The following ZNF676 variants were observed in gnomAD, a reference collection of about 807,000 sequenced individuals.
The protein encoded by ZNF676 is zinc finger protein 676.
In ZNF676, 4 loss-of-function variants were observed where a neutral mutation model predicts 6.0. The observed-to-expected ratio is 0.67, with a 90% CI of 0.33 to 1.53. The LOEUF is 1.53. Ranked by LOEUF, ZNF676 falls within the 40% of genes most tolerant of loss-of-function variation. The pLI, the probability that ZNF676 is intolerant of heterozygous loss-of-function variation, is 0.06. For missense variants in ZNF676, 644 were observed against 679.7 expected (o/e 0.95, Z 0.58); for synonymous variants, 198 against 223.1 (o/e 0.89, Z 1.00).
At chr19:22,253,372 GTA>G in the ZNF676 span, among the ~76,000 whole-genome samples, 769 of 90,844 alleles carry the variant, frequency 8.5e-3, 17 homozygotes, top group African/African-American at 0.03. Context: ...GTGTGTGTGT[GTA>G]TATATATATA....
the ZNF676 span, among the ~76,000 whole-genome samples, chr19:22,221,707 C>T: frequency 7.0e-6 from 1 of 142,396 alleles, no homozygotes; most frequent in African/African-American, 3.1e-5. Context: ...GCTGAGATTG[C>T]ACCATTGCAC....
At chr19:22,184,248 G>C (rs1469894447) in intron 2 of ZNF676, among the ~76,000 whole-genome samples, 3 of 152,136 alleles carry the variant, frequency 2.0e-5, no homozygotes, top group Non-Finnish European at 4.4e-5. Context: ...CCCAGGAAGT[G>C]CAAGGGGTTG....
chr19:22,250,526 C>A, the ZNF676 span, among the ~76,000 whole-genome samples: 1 of 152,118 alleles, frequency 6.6e-6, no homozygotes, highest in East Asian at 1.9e-4. Context: ...TCAGGTGATT[C>A]TCATGCCTCA....
chr19:22,201,923 AAC>A (rs1167768300), upstream of ZNF676, among the ~76,000 whole-genome samples: 1 of 152,178 alleles, frequency 6.6e-6, no homozygotes, highest in Admixed American at 6.5e-5. Flanking sequence ...GGCAATAGTG[AAC>A]AGTTTCAAGA....
intron 2 of ZNF676, among the ~76,000 whole-genome samples, chr19:22,182,605 A>C (rs1434684861): frequency 7.8e-6 from 1 of 127,722 alleles, no homozygotes; most frequent in Non-Finnish European, 1.7e-5. Flanking sequence ...AAAAAAAAGC[A>C]AACAAAAAAA....
chr19:22,235,047 A>C, the ZNF676 span, among the ~76,000 whole-genome samples: 1 of 147,692 alleles, frequency 6.8e-6, no homozygotes. Flanking sequence ...GAAAAGAAGG[A>C]AGGCAGAAAG....
intron 1 of ZNF676, among the ~76,000 whole-genome samples, chr19:22,207,316 C>T (rs1369180332): frequency 1.3e-5 from 2 of 152,058 alleles, no homozygotes; most frequent in South Asian, 2.1e-4. Context: ...AGGCCAAATC[C>T]GAATCGAAAA....
chr19:22,208,312 A>C (rs2024096332), intron 1 of ZNF676, among the ~76,000 whole-genome samples: 1 of 151,686 alleles, frequency 6.6e-6, no homozygotes. Context: ...GTTTGTCTTC[A>C]AAAGGAGACA....
the ZNF676 span, among the ~76,000 whole-genome samples, chr19:22,240,603 G>T: frequency 3.3e-5 from 5 of 151,950 alleles, no homozygotes; most frequent in African/African-American, 1.2e-4. Flanking sequence ...AGACCAGCCT[G>T]ACCAACAAGG....
At chr19:22,239,764 G>A in the ZNF676 span, among the ~76,000 whole-genome samples, 1 of 152,108 alleles carries the variant, frequency 6.6e-6, no homozygotes, top group Non-Finnish European at 1.5e-5. Context: ...TTTTGGGCAT[G>A]TCTCCTGCAA....
the ZNF676 span, among the ~76,000 whole-genome samples, chr19:22,248,983 G>A: frequency 6.6e-6 from 1 of 152,152 alleles, no homozygotes; most frequent in African/African-American, 2.4e-5. Context: ...GCCCACCTTG[G>A]CCTCCCAAAG....
At chr19:22,184,432 G>A (rs540519770) in intron 2 of ZNF676, among the ~76,000 whole-genome samples, 1 of 152,240 alleles carries the variant, frequency 6.6e-6, no homozygotes, top group African/African-American at 2.4e-5. Flanking sequence ...CTGGGAGGCC[G>A]TTTGGGCAGA....
upstream of ZNF676, among the ~76,000 whole-genome samples, chr19:22,198,046 AT>A (rs958403951): frequency 4.6e-5 from 7 of 151,934 alleles, no homozygotes; most frequent in Admixed American, 4.6e-4. Context: ...TCTCCTAACA[AT>A]TTTTTTTAGA....
chr19:22,196,657 G>A lies in ZNF676; in HGVS notation c.-24C>T, dbSNP rs1213244140. On this transcript the variant is annotated 5_prime_UTR_variant, in exon 1 of 3. Transcript: ENST00000397121. ...ATCACATTCCTATATAAATTCTGCTGTGTAGAATCCAGGCATTGCCACTCC... is the reference window on the plus strand; with the variant it reads ...ATCACATTCCTATATAAATTCTGCTATGTAGAATCCAGGCATTGCCACTCC... The A allele has an allele frequency of 5.6e-6, 9 of 1,613,542 alleles. No individual in the cohort carries two copies. In the African/African-American group the frequency reaches 1.1e-4, roughly 19 times the overall value.
the ZNF676 span, among the ~76,000 whole-genome samples, chr19:22,251,370 A>T: frequency 6.6e-6 from 1 of 152,240 alleles, no homozygotes; most frequent in Non-Finnish European, 1.5e-5. Flanking sequence ...GTTGTTACAC[A>T]CTAGTCTCAT....
chr19:22,232,033 C>CTGTG, the ZNF676 span, among the ~76,000 whole-genome samples: 379 of 151,516 alleles, frequency 2.5e-3, no homozygotes, highest in African/African-American at 8.2e-3. Flanking sequence ...ATTTGTATAT[C>CTGTG]TGTGTGTGTG....
the ZNF676 span, among the ~76,000 whole-genome samples, chr19:22,251,380 T>C: frequency 6.6e-6 from 1 of 152,210 alleles, no homozygotes; most frequent in Non-Finnish European, 1.5e-5. Context: ...ACTAGTCTCA[T>C]TTGTTGTTTT....
At chr19:22,213,771 C>A (rs2024156182) in intron 1 of ZNF676, among the ~76,000 whole-genome samples, 1 of 151,970 alleles carries the variant, frequency 6.6e-6, no homozygotes, top group South Asian at 2.1e-4. Context: ...GAAAATGACC[C>A]AGGAGCTGAT....
At chr19:22,218,993 T>C (rs1013125779), upstream of ZNF676, among the ~76,000 whole-genome samples, 4 of 151,044 alleles carry the variant, frequency 2.6e-5, no homozygotes, top group African/African-American at 4.8e-5. Flanking sequence ...TCTCTTTTTA[T>C]TTTATATAAA....
Sources: allele counts gnomAD v4.1 joint callset (sites outside exome capture counted in the v4.1 genomes callset), GRCh38; gene constraint gnomAD v4.1.1; transcripts MANE v1.5; gene names NCBI Gene and HGNC (gene_info 2026-07-23, HGNC 2026-07-21).